INTS2: variants seen among roughly 807,000 people sequenced by gnomAD.
INTS2 encodes the protein KIAA1287.
A neutral mutation model predicts 139.6 loss-of-function variants in INTS2; 57 were observed. That is an observed-to-expected ratio of 0.41 (90% CI 0.33 to 0.51). INTS2 has a LOEUF of 0.51. Ranked by LOEUF, INTS2 falls within the 20% of genes least tolerant of loss-of-function variation. INTS2 has a pLI of 0.28. For synonymous variants in INTS2, 473 were observed against 493.4 expected (o/e 0.96, Z 0.55); for missense variants, 1,196 against 1,436.7 (o/e 0.83, Z 2.71).
intron 1 of INTS2, 107 bp from the exon 2 acceptor site, chr17:61,926,769 T>C: frequency 1.2e-6 from 1 of 820,706 alleles, no homozygotes; most frequent in Non-Finnish European, 2.0e-6. Context: ...TAGGTCCCTA[T>C]GTTGGCAATG....
chr17:61,913,923 T>C, intron 5 of INTS2, among the ~76,000 whole-genome samples: 1 of 152,192 alleles, frequency 6.6e-6, no homozygotes, highest in Non-Finnish European at 1.5e-5. Flanking sequence ...CTAAGGTTTA[T>C]AATTCATGTA....
At position 61,911,718 on chromosome 17, in the gene INTS2, G is replaced by A. The variant is rs1290716720; in HGVS notation, c.781-25C>T. On this transcript the variant is annotated intron_variant, in intron 6 of 24. Coordinates refer to ENST00000251334, the MANE Select transcript of INTS2 (RefSeq NM_001351695.2). ...CCTAGCACAGAAAAGAAAACAAACTGAATTCAGTATCATAAGCAAAAAGGC... is the reference window on the plus strand; with the variant it reads ...CCTAGCACAGAAAAGAAAACAAACTAAATTCAGTATCATAAGCAAAAAGGC... The A allele has an allele frequency of 3.8e-6, 6 of 1,599,292 alleles. No individual in the cohort carries two copies. The Admixed American group carries it at 1.0e-4, about 28-fold the overall frequency.
chr17:61,897,859 A>T lies in INTS2; in HGVS notation c.1308-120T>A. The T allele has an allele frequency of 1.4e-6, 1 of 725,580 alleles. No individual in the cohort carries two copies. Among genetic ancestry groups the T allele is most frequent in the Non-Finnish European group, 2.3e-6 (1 of 434,338 alleles). The allele number at this position is 725,580 out of a possible 1,614,324, so 44.9% of individuals were successfully genotyped here. A position where few individuals can be genotyped will look rare whatever the true frequency, so the allele number is the denominator to read the frequency against. ...TTTCCTGCCCTATTTTCAAGTATCA[A>T]GTCAAATTAAAGGCTTGCTGAATTG... On this transcript the variant is annotated intron_variant, in intron 9 of 24. Coordinates refer to ENST00000251334, the MANE Select transcript of INTS2 (RefSeq NM_001351695.2). This position sits in a 1 kb window ranked among gnomAD's most constrained non-coding sequence, Gnocchi z 4.4.
At chr17:61,885,503 T>C (rs2079218501) in intron 15 of INTS2, among the ~76,000 whole-genome samples, 1 of 150,978 alleles carries the variant, frequency 6.6e-6, no homozygotes, top group Non-Finnish European at 1.5e-5. Context: ...CAACCTCCGC[T>C]TCCCGGGTTC....
chr17:61,890,950 T>C (rs1287235793), intron 14 of INTS2, among the ~76,000 whole-genome samples: 6 of 106,640 alleles, frequency 5.6e-5, no homozygotes, highest in Non-Finnish European at 8.5e-5. Flanking sequence ...CCCATTGCAC[T>C]CCAGCCTGGG....
chr17:61,891,421 G>T, intron 14 of INTS2, 92 bp downstream of exon 14: 3 of 941,218 alleles, frequency 3.2e-6, no homozygotes, highest in East Asian at 4.8e-5. Flanking sequence ...GAACTACCTA[G>T]AAGTCCTCTG....
intron 17 of INTS2, among the ~76,000 whole-genome samples, chr17:61,878,944 A>AACAAAAAAAC (rs2079151258): frequency 1.5e-5 from 2 of 137,238 alleles, no homozygotes; most frequent in African/African-American, 7.0e-5. Context: ...AAAAAAAAAA[A>AACAAAAAAAC]AAAAAAAAAA....
chr17:61,906,979 A>C (rs1265872413), intron 8 of INTS2, among the ~76,000 whole-genome samples: 1 of 151,100 alleles, frequency 6.6e-6, no homozygotes, highest in African/African-American at 2.4e-5. Flanking sequence ...AAAAAAAAAA[A>C]AAAAACATTG....
At chr17:61,878,222 C>T (rs2079143634) in intron 17 of INTS2, 134 bp from the exon 18 acceptor site, 2 of 617,782 alleles carry the variant, frequency 3.2e-6, no homozygotes, top group Non-Finnish European at 2.9e-6. Context: ...TAGTTACTTG[C>T]TATTGTTTCC....
At position 61,919,573 on chromosome 17, in the gene INTS2, C is replaced by T. The variant is rs554490867; in HGVS notation, c.536-60G>A. 8.9e-4 allele frequency: 776 copies of T among 874,354 alleles called. 5 individuals carry two copies. The African/African-American group carries it at 0.011, about 12-fold the overall frequency. The allele number at this position is 874,354 out of a possible 1,614,324, so 54.2% of individuals were successfully genotyped here. ...AACAGGTGCACTCCACCACACCCAG[C>T]TAATTTTTTTTATTTTCTGTGGAGA... On this transcript the variant is annotated intron_variant, in intron 4 of 24. Transcript: ENST00000251334.
chr17:61,874,528 G>C (rs967813792), intron 19 of INTS2, among the ~76,000 whole-genome samples: 1 of 152,126 alleles, frequency 6.6e-6, no homozygotes, highest in Non-Finnish European at 1.5e-5. Context: ...CATCACTATT[G>C]TGCATGCCAA....
intron 2 of INTS2, among the ~76,000 whole-genome samples, chr17:61,925,507 G>T (rs2079701274): frequency 6.6e-6 from 1 of 151,932 alleles, no homozygotes; most frequent in South Asian, 2.1e-4. Flanking sequence ...AACCCAGGAG[G>T]TGGAGGTTGC....
At chr17:61,927,592 C>T (rs2143206347) in intron 1 of INTS2, 62 bp downstream of exon 1, 1 of 1,213,644 alleles carries the variant, frequency 8.2e-7, no homozygotes, top group African/African-American at 1.6e-5. Flanking sequence ...TGAGCAAAGT[C>T]TGGCCAGGCT....
intron 1 of INTS2, 84 bp from the exon 2 acceptor site, chr17:61,926,746 G>A: frequency 9.1e-7 from 1 of 1,102,800 alleles, no homozygotes; most frequent in South Asian, 1.3e-5. Flanking sequence ...TGAAAAATGT[G>A]GTGTATCTTT....
intron 9 of INTS2, among the ~76,000 whole-genome samples, chr17:61,899,929 C>A (rs1242749314): frequency 6.6e-6 from 1 of 151,136 alleles, no homozygotes; most frequent in African/African-American, 2.4e-5. Context: ...AAAAAAAATA[C>A]CTTATAAGAG....
intron 4 of INTS2, 94 bp downstream of exon 4, chr17:61,921,631 C>A: frequency 1.9e-6 from 1 of 536,456 alleles, no homozygotes; most frequent in Non-Finnish European, 3.2e-6. Flanking sequence ...TTATATGATC[C>A]CTAAAATAAC....
At chr17:61,925,586 A>T (rs558470879) in intron 2 of INTS2, among the ~76,000 whole-genome samples, 84 of 151,868 alleles carry the variant, frequency 5.5e-4, no homozygotes, top group African/African-American at 2.0e-3. Flanking sequence ...AAAAAAAAAT[A>T]AAAATAAAAA....
chr17:61,906,469 C>T (rs1272067944), intron 8 of INTS2, among the ~76,000 whole-genome samples: 1 of 152,122 alleles, frequency 6.6e-6, no homozygotes, highest in African/African-American at 2.4e-5. Context: ...TGATGTACAT[C>T]TGTTATTTAC....
intron 3 of INTS2, among the ~76,000 whole-genome samples, chr17:61,924,590 G>A (rs1275697277): frequency 6.6e-6 from 1 of 152,100 alleles, no homozygotes; most frequent in African/African-American, 2.4e-5. Flanking sequence ...AGGCTGAGGC[G>A]GGTGGATCAC....
Sources: allele counts gnomAD v4.1 joint callset (sites outside exome capture counted in the v4.1 genomes callset), GRCh38; gene constraint gnomAD v4.1.1; non-coding constraint Gnocchi (gnomAD v3.1); transcripts MANE v1.5; gene names NCBI Gene and HGNC (gene_info 2026-07-23, HGNC 2026-07-21).